Variants in DPYS observed in about 807,000 individuals in gnomAD.
The protein encoded by DPYS is dihydropyrimidine amidohydrolase.
DPYS carries 39 observed loss-of-function variants against 50.3 expected under a neutral mutation model. That is an observed-to-expected ratio of 0.78 (90% CI 0.60 to 1.01). The LOEUF (loss-of-function observed/expected upper bound fraction) is 1.01, where lower values mean the gene tolerates loss of function less well. Ranked by LOEUF, DPYS falls within the 50% of genes least tolerant of loss-of-function variation. DPYS has a pLI of 0.00. For missense variants in DPYS, 659 were observed against 680.9 expected (o/e 0.97, Z 0.36); for synonymous variants, 245 against 250.7 (o/e 0.98, Z 0.22).
chr8:104,450,671 C>T (rs928765142), intron 2 of DPYS, among the ~76,000 whole-genome samples: 1 of 152,080 alleles, frequency 6.6e-6, no homozygotes, highest in Non-Finnish European at 1.5e-5. Context: ...AATCATCTGA[C>T]CAGGTGTGGT....
intron 7 of DPYS, among the ~76,000 whole-genome samples, chr8:104,393,649 A>G (rs1048031322): frequency 6.6e-6 from 1 of 152,248 alleles, no homozygotes; most frequent in Non-Finnish European, 1.5e-5. Flanking sequence ...TCAGTAGTTT[A>G]TTAATACTTT....
At chr8:104,409,946 G>A (rs1017966674) in intron 7 of DPYS, among the ~76,000 whole-genome samples, 2 of 152,100 alleles carry the variant, frequency 1.3e-5, no homozygotes, top group Non-Finnish European at 1.5e-5. Context: ...CTTAACCATT[G>A]GGCCTAATCT....
chr8:104,465,878 A>G (rs1226188348), intron 1 of DPYS, among the ~76,000 whole-genome samples: 1 of 152,036 alleles, frequency 6.6e-6, no homozygotes, highest in Non-Finnish European at 1.5e-5. Context: ...TGATCTGATT[A>G]CCCTCCTGCA....
chr8:104,416,963 T>C (rs904115054), intron 7 of DPYS, among the ~76,000 whole-genome samples: 2 of 152,082 alleles, frequency 1.3e-5, no homozygotes, highest in Admixed American at 6.6e-5. Context: ...AAGGGCACCA[T>C]CATAAGCCGC....
chr8:104,455,242 G>C (rs970293385), intron 1 of DPYS, among the ~76,000 whole-genome samples: 7 of 152,200 alleles, frequency 4.6e-5, no homozygotes, highest in Non-Finnish European at 1.0e-4. Context: ...TCAGGCCCTA[G>C]AGCCTGAGCC....
At chr8:104,411,484 C>T (rs1261753252) in intron 7 of DPYS, among the ~76,000 whole-genome samples, 2 of 152,086 alleles carry the variant, frequency 1.3e-5, no homozygotes, top group East Asian at 1.9e-4. Context: ...AAGAAAAGGG[C>T]ACAATCATAG....
intron 8 of DPYS, among the ~76,000 whole-genome samples, chr8:104,383,687 C>T (rs768633268): frequency 6.6e-6 from 1 of 151,880 alleles, no homozygotes; most frequent in Non-Finnish European, 1.5e-5. Flanking sequence ...CTGCAAACTC[C>T]ACCTCCTATG....
intron 7 of DPYS, among the ~76,000 whole-genome samples, chr8:104,402,055 G>A (rs1045299549): frequency 2.0e-5 from 3 of 152,166 alleles, no homozygotes; most frequent in African/African-American, 7.2e-5. Flanking sequence ...TGACTTAAAG[G>A]AATAAAGTTC....
At chr8:104,407,045 G>A (rs534790529) in intron 7 of DPYS, among the ~76,000 whole-genome samples, 2 of 152,342 alleles carry the variant, frequency 1.3e-5, no homozygotes, top group South Asian at 4.1e-4. Flanking sequence ...TTATGAATAC[G>A]ATGCTAATAA....
At chr8:104,381,829 A>G (rs1325717804) in intron 8 of DPYS, among the ~76,000 whole-genome samples, 3 of 140,692 alleles carry the variant, frequency 2.1e-5, no homozygotes, top group African/African-American at 7.6e-5. Context: ...GAGAGCTGTC[A>G]GTGCTTGAGC....
rs147947584 is a variant in DPYS, at chr8:104,407,829, A to G, written c.1236-14838T>C. On this transcript the variant is annotated intron_variant, in intron 7 of 9. Coordinates refer to ENST00000351513, the MANE Select transcript of DPYS (RefSeq NM_001385.3). ...ATAATATACTAACTAGGCTTAAAATATTACCATAAAGAAAGTTAGGTTCTA... is the reference window on the plus strand; with the variant it reads ...ATAATATACTAACTAGGCTTAAAATGTTACCATAAAGAAAGTTAGGTTCTA... Among the ~76,000 whole-genome samples the G allele has an allele frequency of 2.0e-3, 309 of 152,364 alleles. 1 individual carries two copies. Among genetic ancestry groups the G allele is most frequent in the African/African-American group, 5.5e-3 (230 of 41,592 alleles).
chr8:104,395,460 A>G (rs1811546093), intron 7 of DPYS, among the ~76,000 whole-genome samples: 1 of 152,202 alleles, frequency 6.6e-6, no homozygotes, highest in South Asian at 2.1e-4. Flanking sequence ...ATCCCTCTGT[A>G]GTCACGCCCT....
At chr8:104,401,221 G>T (rs1371765578) in intron 7 of DPYS, among the ~76,000 whole-genome samples, 6 of 152,008 alleles carry the variant, frequency 3.9e-5, no homozygotes, top group African/African-American at 1.5e-4. Flanking sequence ...TCTCTACATT[G>T]TGTTGTGTGA....
intron 7 of DPYS, among the ~76,000 whole-genome samples, chr8:104,406,219 C>T (rs573774363): frequency 6.6e-6 from 1 of 152,258 alleles, no homozygotes; most frequent in South Asian, 2.1e-4. Context: ...TGCAGTCAAC[C>T]AGGCCTGCTC....
At position 104,414,941 on chromosome 8, in the gene DPYS, T is replaced by C. The variant is rs370318584; in HGVS notation, c.1235+9306A>G. ...CCACTGTCTCTGGAATGCATCTTTG[T>C]CAAGCACTGCTTTGGGGAAGAAGAC... On this transcript the variant is annotated intron_variant, in intron 7 of 9. Coordinates refer to ENST00000351513, the MANE Select transcript of DPYS (RefSeq NM_001385.3). Among the ~76,000 whole-genome samples, 6 of 152,342 alleles carry C rather than the reference T, an allele frequency of 3.9e-5. No homozygotes were observed. In the East Asian group the frequency reaches 5.8e-4, roughly 15 times the overall value.
intron 4 of DPYS, among the ~76,000 whole-genome samples, chr8:104,431,480 C>T (rs1812954400): frequency 6.6e-6 from 1 of 151,348 alleles, no homozygotes; most frequent in South Asian, 2.1e-4. Flanking sequence ...AGTAAAAATT[C>T]CTAACTGCAT....
intron 4 of DPYS, among the ~76,000 whole-genome samples, chr8:104,430,363 CA>C (rs71577916): frequency 4.0e-4 from 59 of 148,046 alleles, no homozygotes; most frequent in South Asian, 1.3e-3. Flanking sequence ...ATGAGGCCAT[CA>C]AAAAAAAAAG....
In DPYS at chr8:104,466,999, G is replaced by T. The variant is rs970515000; in HGVS notation, c.-79C>A. ...TGGGCGGGCCGGGCGGGCTTGGGGT[G>T]CCCTCCTGCAAGGTCCCCACCGACA... On this transcript the variant is annotated 5_prime_UTR_variant, in exon 1 of 10. Transcript: ENST00000351513. 2 of 1,352,862 alleles carry T rather than the reference G, an allele frequency of 1.5e-6. No homozygotes were observed. The highest frequency in any genetic ancestry group is 1.9e-6 in the Non-Finnish European group (2 of 1,057,180). 83.8% of individuals were successfully genotyped at this position (1,352,862 alleles called of 1,614,324 possible).
At chr8:104,431,124 T>C (rs1812940130) in intron 4 of DPYS, among the ~76,000 whole-genome samples, 1 of 152,152 alleles carries the variant, frequency 6.6e-6, no homozygotes, top group Admixed American at 6.5e-5. Context: ...GCAATCACTT[T>C]ACAAGTCGCT....
Sources: allele counts gnomAD v4.1 joint callset (sites outside exome capture counted in the v4.1 genomes callset), GRCh38; gene constraint gnomAD v4.1.1; transcripts MANE v1.5; gene names NCBI Gene and HGNC (gene_info 2026-07-23, HGNC 2026-07-21).